The following CLIC5 variants were observed in gnomAD, a reference collection of about 807,000 sequenced individuals.
CLIC5 encodes CLIC family member 5.
Under a neutral mutation model 24.7 loss-of-function variants are expected in CLIC5, and 20 were observed. The ratio of observed to expected loss-of-function variants is 0.81; its 90% CI spans 0.57 to 1.18. CLIC5 has a LOEUF of 1.18. Among genes scored for constraint, CLIC5 ranks in the 50% most tolerant of loss-of-function variants. The probability of loss-of-function intolerance (pLI) is 0.00; values close to 1 mark genes in which losing one functional copy is unlikely to be tolerated. For synonymous variants in CLIC5, 159 were observed against 135.6 expected (o/e 1.17, Z -1.20); for missense variants, 341 against 326.1 (o/e 1.05, Z -0.35).
At chr6:46,124,079 C>A in the CLIC5 span, among the ~76,000 whole-genome samples, 16 of 152,176 alleles carry the variant, frequency 1.1e-4, no homozygotes, top group Admixed American at 3.3e-4. Flanking sequence ...TTGGAAAAAA[C>A]TACTTTAAAG....
In CLIC5 at chr6:46,040,146, T is replaced by A. The variant is rs549154308; in HGVS notation, c.540+39557A>T. ...TACAGTATCTGGCACATATTGAATGTTTCCGTTAATGGTAGGCAGCAATAG... is the reference window on the plus strand; with the variant it reads ...TACAGTATCTGGCACATATTGAATGATTCCGTTAATGGTAGGCAGCAATAG... On this transcript the variant is annotated intron_variant, in intron 1 of 5. Coordinates refer to the CLIC5 transcript ENST00000185206. Among the ~76,000 whole-genome samples the A allele has an allele frequency of 3.3e-5, 5 of 152,322 alleles. No individual in the cohort carries two copies. The South Asian group carries it at 1.0e-3, about 32-fold the overall frequency.
At chr6:46,004,423 T>TGAAGTTG (rs1766469914) in intron 1 of CLIC5, among the ~76,000 whole-genome samples, 1 of 152,146 alleles carries the variant, frequency 6.6e-6, no homozygotes. Flanking sequence ...AAACCTACCA[T>TGAAGTTG]GATGTCCTCC....
intron 4 of CLIC5, among the ~76,000 whole-genome samples, chr6:45,927,855 A>G (rs898935929): frequency 6.6e-6 from 1 of 152,090 alleles, no homozygotes; most frequent in African/African-American, 2.4e-5. Flanking sequence ...TTCTCTTGTT[A>G]ATCTGTCTTT....
chr6:45,923,916 G>T (rs1260121947), intron 4 of CLIC5, among the ~76,000 whole-genome samples: 1 of 152,194 alleles, frequency 6.6e-6, no homozygotes, highest in Non-Finnish European at 1.5e-5. Context: ...ACCGGTGCTT[G>T]TTTCCTTCTC....
At chr6:46,018,170 T>C (rs1450894504), upstream of CLIC5, among the ~76,000 whole-genome samples, 1 of 152,190 alleles carries the variant, frequency 6.6e-6, no homozygotes, top group East Asian at 1.9e-4. Context: ...ATATTCTTAA[T>C]GGCAATGTGG....
chr6:45,946,116 G>A (rs1464073938), intron 3 of CLIC5, among the ~76,000 whole-genome samples: 2 of 152,208 alleles, frequency 1.3e-5, no homozygotes, highest in Non-Finnish European at 2.9e-5. Context: ...GGGTCTGAGC[G>A]GGAGAGAGGC....
At chr6:45,903,377 C>T (rs1762562774) in intron 5 of CLIC5, 122 bp from the exon 6 acceptor site, 2 of 713,488 alleles carry the variant, frequency 2.8e-6, no homozygotes, top group Non-Finnish European at 4.2e-6. Flanking sequence ...CACGGGCCAT[C>T]AGTGATATGT....
At chr6:46,037,776 A>G (rs1402711333) in intron 1 of CLIC5, among the ~76,000 whole-genome samples, 2 of 152,182 alleles carry the variant, frequency 1.3e-5, no homozygotes, top group Admixed American at 1.3e-4. Context: ...TTCCTTACCT[A>G]TCTTGGGTGT....
intron 1 of CLIC5, among the ~76,000 whole-genome samples, chr6:45,973,129 A>G (rs1292457326): frequency 6.6e-6 from 1 of 152,168 alleles, no homozygotes; most frequent in African/African-American, 2.4e-5. Flanking sequence ...CCAAACCTAG[A>G]GTCACTGAGC....
chr6:45,893,929 T>C (rs1287038000), downstream of CLIC5, among the ~76,000 whole-genome samples: 2 of 152,210 alleles, frequency 1.3e-5, no homozygotes, highest in Non-Finnish European at 2.9e-5. Context: ...TGCCATCTAC[T>C]TCAAAATATG....
Position 45,900,109 on chromosome 6 carries a change from C to T in CLIC5, c.*2979G>A, listed in dbSNP as rs1331020990. The stretch of plus-strand genomic sequence containing the variant: ...TCTTACTCAATACCTTCTCTCTGGG[C>T]CAAACTCAGAAGCAGGCATTGCTGA... On this transcript the variant is annotated 3_prime_UTR_variant, in exon 6 of 6. Coordinates refer to ENST00000339561, the MANE Select transcript of CLIC5 (RefSeq NM_016929.5). 6.6e-6 allele frequency: 1 copy of T among 152,086 alleles called. No individual in the cohort carries two copies. The highest frequency in any genetic ancestry group is 1.9e-4 in the East Asian group (1 of 5,192). 9.4% of individuals were successfully genotyped at this position (152,086 alleles called of 1,614,324 possible).
At chr6:45,887,929 T>C (rs1366008366) in intron 6 of CLIC5, among the ~76,000 whole-genome samples, 1 of 152,172 alleles carries the variant, frequency 6.6e-6, no homozygotes, top group Non-Finnish European at 1.5e-5. Context: ...TCAATGAATG[T>C]TAATGGACTA....
chr6:45,978,727 C>T (rs2021683), intron 1 of CLIC5, among the ~76,000 whole-genome samples: 40,959 of 152,004 alleles, frequency 0.27, 6,634 homozygotes, highest in Middle Eastern at 0.43. Context: ...GAGGCTGAGG[C>T]GAGTGGATCA....
At position 45,899,737 on chromosome 6, in the gene CLIC5, G is replaced by C. The variant is rs1762462207; in HGVS notation, c.*3351C>G. The C allele has an allele frequency of 6.6e-6, 1 of 152,372 alleles. No individual in the cohort carries two copies. Among genetic ancestry groups the C allele is most frequent in the African/African-American group, 2.4e-5 (1 of 41,578 alleles). 9.4% of individuals were successfully genotyped at this position (152,372 alleles called of 1,614,324 possible). A position where few individuals can be genotyped will look rare whatever the true frequency, so the allele number is the denominator to read the frequency against. ...GTTTCATTTGATAAGGGCCTGGAAAGTCAGCCTGGGAAAACTCGCACTTGG... is the reference window on the plus strand; with the variant it reads ...GTTTCATTTGATAAGGGCCTGGAAACTCAGCCTGGGAAAACTCGCACTTGG... On this transcript the variant is annotated 3_prime_UTR_variant, in exon 6 of 6. Transcript: ENST00000339561.
intron 1 of CLIC5, among the ~76,000 whole-genome samples, chr6:46,063,878 A>G (rs12207564): frequency 0.12 from 18,069 of 152,238 alleles, 1,439 homozygotes; most frequent in South Asian, 0.34. Flanking sequence ...AAAGGATTAA[A>G]TTCATTCTAT....
chr6:45,961,709 A>G (rs1420557823), intron 1 of CLIC5, among the ~76,000 whole-genome samples: 1 of 152,098 alleles, frequency 6.6e-6, no homozygotes, highest in Admixed American at 6.5e-5. Context: ...CAAGACTTCA[A>G]TTAGCAGGGA....
the CLIC5 span, among the ~76,000 whole-genome samples, chr6:46,085,993 T>A: frequency 3.1e-4 from 47 of 152,310 alleles, no homozygotes; most frequent in South Asian, 8.9e-3. Context: ...CAGTTTGATC[T>A]CAGACTGCTG....
Position 45,901,464 on chromosome 6 carries a change from T to A in CLIC5, c.*1624A>T, listed in dbSNP as rs898252252. 4.6e-5 allele frequency: 7 copies of A among 152,118 alleles called. No homozygotes were observed. The highest frequency in any genetic ancestry group is 1.5e-5 in the Non-Finnish European group (1 of 68,016). The allele number at this position is 152,118 out of a possible 1,614,324, so 9.4% of individuals were successfully genotyped here. ...GATTGCTTGGGTTAGAATTTGTTGA[T>A]ATTTCTATGGAAAGGACCCGTGCTA... On this transcript the variant is annotated 3_prime_UTR_variant, in exon 6 of 6. Coordinates refer to ENST00000339561, the MANE Select transcript of CLIC5 (RefSeq NM_016929.5).
At chr6:46,085,989 G>T in the CLIC5 span, among the ~76,000 whole-genome samples, 1 of 152,214 alleles carries the variant, frequency 6.6e-6, no homozygotes, top group African/African-American at 2.4e-5. Flanking sequence ...CTTCCAGTTT[G>T]ATCTCAGACT....
Sources: allele counts gnomAD v4.1 joint callset (sites outside exome capture counted in the v4.1 genomes callset), GRCh38; gene constraint gnomAD v4.1.1; transcripts MANE v1.5; gene names NCBI Gene and HGNC (gene_info 2026-07-23, HGNC 2026-07-21).